LRP1B: variants seen among roughly 807,000 people sequenced by gnomAD.
LRP1B encodes the protein LDL receptor related protein 1B.
A neutral mutation model predicts 556.6 loss-of-function variants in LRP1B; 217 were observed. The observed-to-expected ratio is 0.39, with a 90% CI of 0.35 to 0.44. LRP1B has a LOEUF of 0.44. Among genes scored for constraint, LRP1B ranks in the 20% least tolerant of loss-of-function variants. The pLI is 1.00. For missense variants in LRP1B, 5,053 were observed against 5,620.8 expected, an observed-to-expected ratio of 0.90 and a Z score of 3.23; for synonymous variants, 2,047 against 1,865.8, an observed-to-expected ratio of 1.10 and a Z score of -2.50.
At chr2:140,981,338 A>G (rs866063627) in intron 18 of LRP1B, among the ~76,000 whole-genome samples, 1 of 152,148 alleles carries the variant, frequency 6.6e-6, no homozygotes, top group Non-Finnish European at 1.5e-5. Flanking sequence ...ATTAAAATGT[A>G]TACTTATTGT....
At chr2:140,467,149 T>C (rs1219546559) in intron 60 of LRP1B, among the ~76,000 whole-genome samples, 3 of 151,986 alleles carry the variant, frequency 2.0e-5, no homozygotes, top group Non-Finnish European at 4.4e-5. Flanking sequence ...ATAAAATCAA[T>C]AAAAAATCTC....
intron 1 of LRP1B, among the ~76,000 whole-genome samples, chr2:141,837,724 G>C (rs755664719): frequency 2.6e-5 from 4 of 152,048 alleles, no homozygotes; most frequent in Non-Finnish European, 5.9e-5. Flanking sequence ...AATGAATGCT[G>C]CTTGAATCAA....
intron 3 of LRP1B, among the ~76,000 whole-genome samples, chr2:141,335,303 TCA>T (rs1327932727): frequency 6.6e-6 from 1 of 152,108 alleles, no homozygotes; most frequent in Non-Finnish European, 1.5e-5. Flanking sequence ...AAAAAAGAGT[TCA>T]GTTATTCTGA....
chr2:140,268,893 G>A (rs72910172), intron 86 of LRP1B, among the ~76,000 whole-genome samples: 4,442 of 151,678 alleles, frequency 0.029, 110 homozygotes, highest in Non-Finnish European at 0.041. Flanking sequence ...AAAATAGAGC[G>A]CTTCATCTGT....
intron 41 of LRP1B, among the ~76,000 whole-genome samples, chr2:140,673,787 C>T (rs1685571000): frequency 6.6e-6 from 1 of 152,068 alleles, no homozygotes; most frequent in African/African-American, 2.4e-5. Flanking sequence ...ATACATACCT[C>T]ACTATACCCT....
intron 2 of LRP1B, among the ~76,000 whole-genome samples, chr2:141,767,594 C>T (rs1032070843): frequency 6.6e-6 from 1 of 152,100 alleles, no homozygotes; most frequent in African/African-American, 2.4e-5. Context: ...TTCTATCACT[C>T]ACTCTTTCCC....
At chr2:140,335,923 G>T (rs1681067546) in intron 77 of LRP1B, 85 bp from the exon 78 acceptor site, 1 of 810,354 alleles carries the variant, frequency 1.2e-6, no homozygotes, top group South Asian at 1.5e-5. Flanking sequence ...AAGTTATGGG[G>T]GAATTGTAAG....
At chr2:141,248,921 T>C (rs1215778481) in intron 4 of LRP1B, among the ~76,000 whole-genome samples, 1 of 152,146 alleles carries the variant, frequency 6.6e-6, no homozygotes, top group African/African-American at 2.4e-5. Flanking sequence ...TAGACTCAAA[T>C]GTGTAAGAAG....
intron 1 of LRP1B, among the ~76,000 whole-genome samples, chr2:142,089,032 G>A (rs867999045): frequency 4.0e-5 from 6 of 148,644 alleles, no homozygotes; most frequent in Non-Finnish European, 4.5e-5. Flanking sequence ...ATACATAAAC[G>A]CATTATTTTT....
chr2:141,483,808 T>C (rs1345888586), intron 2 of LRP1B, among the ~76,000 whole-genome samples: 2 of 151,386 alleles, frequency 1.3e-5, no homozygotes, highest in African/African-American at 2.4e-5. Context: ...TTTGATGGGG[T>C]TGTTTGTTTT....
intron 1 of LRP1B, among the ~76,000 whole-genome samples, chr2:141,816,050 A>G (rs748510801): frequency 3.9e-5 from 6 of 152,352 alleles, no homozygotes; most frequent in East Asian, 1.9e-4. Context: ...TGTGCAGTTG[A>G]CAGTTGGATG....
chr2:141,051,694 T>A (rs940356475), intron 10 of LRP1B, among the ~76,000 whole-genome samples: 14 of 152,140 alleles, frequency 9.2e-5, no homozygotes, highest in African/African-American at 3.4e-4. Context: ...TTATTTTAAA[T>A]TTTTAAAAGA....
At chr2:141,068,196 T>C (rs1699531027) in intron 7 of LRP1B, among the ~76,000 whole-genome samples, 1 of 151,972 alleles carries the variant, frequency 6.6e-6, no homozygotes, top group Non-Finnish European at 1.5e-5. Flanking sequence ...TGTCCTTGTC[T>C]AGGGTAAATA....
chr2:141,192,263 A>G (rs960589884), intron 6 of LRP1B, among the ~76,000 whole-genome samples: 1 of 151,968 alleles, frequency 6.6e-6, no homozygotes, highest in African/African-American at 2.4e-5. Context: ...ACCAAATTTA[A>G]TAAGCATTTA....
intron 83 of LRP1B, among the ~76,000 whole-genome samples, chr2:140,300,011 C>G (rs180919433): frequency 6.6e-6 from 1 of 151,836 alleles, no homozygotes; most frequent in Non-Finnish European, 1.5e-5. Flanking sequence ...AAGAAACAAA[C>G]GGTACCTGCT....
At chr2:141,359,980 A>G (rs1296880267) in intron 3 of LRP1B, among the ~76,000 whole-genome samples, 1 of 150,772 alleles carries the variant, frequency 6.6e-6, no homozygotes, top group African/African-American at 2.4e-5. Flanking sequence ...AGAAATATAG[A>G]AAGGTTAGAA....
chr2:140,758,874 T>A (rs1010938978), intron 35 of LRP1B, among the ~76,000 whole-genome samples: 49 of 152,216 alleles, frequency 3.2e-4, no homozygotes, highest in African/African-American at 1.1e-3. Flanking sequence ...TTAATGAGAA[T>A]AGTATGTCAT....
At chr2:141,389,867 A>T (rs1308330582) in intron 3 of LRP1B, among the ~76,000 whole-genome samples, 4 of 152,124 alleles carry the variant, frequency 2.6e-5, no homozygotes, top group Non-Finnish European at 4.4e-5. Flanking sequence ...AGCCTTGGTG[A>T]GGTGGCTCAT....
At chr2:140,305,895 C>T (rs1573763176) in intron 83 of LRP1B, among the ~76,000 whole-genome samples, 1 of 151,998 alleles carries the variant, frequency 6.6e-6, no homozygotes, top group African/African-American at 2.4e-5. Context: ...GCCTTTTCTG[C>T]ATCTATTGAG....
Sources: gnomAD v4.1 joint callset for allele counts (sites outside exome capture counted in the v4.1 genomes callset) on GRCh38, gnomAD v4.1.1 for gene constraint, MANE v1.5 for transcripts, NCBI Gene and HGNC (gene_info 2026-07-23, HGNC 2026-07-21) for gene names.